Variants in NKX2-8 observed in about 807,000 individuals in gnomAD.
The protein encoded by NKX2-8 is homeobox protein Nkx-2.8.
A neutral mutation model predicts 6.4 loss-of-function variants in NKX2-8; 8 were observed. The ratio of observed to expected loss-of-function variants is 1.24; its 90% confidence interval spans 0.73 to 2.24. The LOEUF (loss-of-function observed/expected upper bound fraction) is 2.24. Ranked by LOEUF, NKX2-8 falls within the 30% of genes most tolerant of loss-of-function variation. The probability of loss-of-function intolerance (pLI) is 0.00; values close to 1 mark genes in which losing one functional copy is unlikely to be tolerated. For synonymous variants in NKX2-8, 216 were observed against 171.5 expected (o/e 1.26, Z -2.03); for missense variants, 406 against 351.1 (o/e 1.16, Z -1.25).
chr14:36,582,403 A>G lies in NKX2-8; in HGVS notation c.-14T>C. ...AGAGGTGGCCATGGCCGAGGAGGGGAAGGAGGCGGGGGCAGGGCAGGCTGG... is the reference window on the plus strand; with the variant it reads ...AGAGGTGGCCATGGCCGAGGAGGGGGAGGAGGCGGGGGCAGGGCAGGCTGG... On this transcript the variant is annotated 5_prime_UTR_variant, in exon 1 of 2. Coordinates refer to ENST00000258829, the MANE Select transcript of NKX2-8 (RefSeq NM_014360.4). 6.8e-7 allele frequency: 1 copy of G among 1,480,500 alleles called. No homozygotes were observed. Among genetic ancestry groups the G allele is most frequent in the Non-Finnish European group, 9.0e-7 (1 of 1,105,820 alleles). 91.7% of individuals were successfully genotyped at this position (1,480,500 alleles called of 1,614,324 possible). A position where few individuals can be genotyped will look rare whatever the true frequency, so the allele number is the denominator to read the frequency against.
In NKX2-8 at chr14:36,581,034, C is replaced by T; in HGVS notation, c.588G>A (p.Glu196=). 7.3e-7 allele frequency: 1 copy of T among 1,366,360 alleles called. No individual in the cohort carries two copies. The highest frequency in any genetic ancestry group is 9.3e-7 in the Non-Finnish European group (1 of 1,071,628). 84.6% of individuals were successfully genotyped at this position (1,366,360 alleles called of 1,614,324 possible). ...CGGCGGCTGGAGGGGCGCCGCACTT[C>T]TCCTGGGCCGCGGCGGTTCCCACCT... The part of the protein sequence containing the change: ...GGEVGTAAAQ[E]KCGAPPAAAC... Residue 196 remains glutamate, a synonymous_variant, in exon 2 of 2, where the codon GAG becomes GAA. Coordinates refer to ENST00000258829, the MANE Select transcript of NKX2-8 (RefSeq NM_014360.4). This position sits in a 1 kb window ranked among gnomAD's most constrained non-coding sequence, Gnocchi z 5.6.
In NKX2-8 at chr14:36,580,823, A is replaced by C; in HGVS notation, c.*79T>G. On this transcript the variant is annotated 3_prime_UTR_variant, in exon 2 of 2. Transcript: ENST00000258829. ...CAGGGAGGCGGACGGAGAGCGTTCC[A>C]GGCGTTCGGCTCCGGCCCTGCTCCA... is the stretch of plus-strand genomic sequence containing the variant. 9.5e-7 allele frequency: 1 copy of C among 1,053,590 alleles called. No individual in the cohort carries two copies. Among genetic ancestry groups the C allele is most frequent in the Non-Finnish European group, 1.2e-6 (1 of 821,834 alleles). 65.3% of individuals were successfully genotyped at this position (1,053,590 alleles called of 1,614,324 possible). A position where few individuals can be genotyped will look rare whatever the true frequency, so the allele number is the denominator to read the frequency against.
chr14:36,580,102 T>C lies in NKX2-8; in HGVS notation c.*800A>G, dbSNP rs1341127219. Among the ~76,000 whole-genome samples, 1 of 152,162 alleles carries C rather than the reference T, an allele frequency of 6.6e-6. No homozygotes were observed. The highest frequency in any genetic ancestry group is 1.5e-5 in the Non-Finnish European group (1 of 68,018). On this transcript the variant is annotated 3_prime_UTR_variant, in exon 2 of 2. Transcript: ENST00000258829. Reference sequence around the variant, plus strand: ...ACTTTTCAAAGGGTCCCCGAGCACTTGGCTCCTGCACTCTGGAAACAGCTT... The same window carrying C: ...ACTTTTCAAAGGGTCCCCGAGCACTCGGCTCCTGCACTCTGGAAACAGCTT...
At position 36,581,106 on chromosome 14, in the gene NKX2-8, C is replaced by T; in HGVS notation, c.516G>A (p.Pro172=). ...APGLLRRVVV[P]VLVRDGQPCG... ...ACGGCTGCCCGTCGCGAACAAGCAC[C>T]GGCACCACCACGCGACGCAGCAGGC... is the stretch of plus-strand genomic sequence containing the variant. The change falls in exon 2 of 2, where the codon CCG becomes CCA. Residue 172 remains proline (P), a synonymous_variant. Coordinates refer to ENST00000258829, the MANE Select transcript of NKX2-8 (RefSeq NM_014360.4). The surrounding 1 kb of genome is among the most constrained non-coding windows in gnomAD (Gnocchi z 5.6). 6.9e-7 allele frequency: 1 copy of T among 1,456,424 alleles called. No individual in the cohort carries two copies. 90.2% of individuals were successfully genotyped at this position (1,456,424 alleles called of 1,614,324 possible).
At position 36,581,429 on chromosome 14, in the gene NKX2-8, C is replaced by T. The variant is rs375461559; in HGVS notation, c.193G>A (p.Asp65Asn). The T allele has an allele frequency of 6.3e-7, 1 of 1,584,280 alleles. No homozygotes were observed. Among genetic ancestry groups the T allele is most frequent in the South Asian group, 1.2e-5 (1 of 84,738 alleles). The change falls in exon 2 of 2, where the codon GAC becomes AAC. Residue 65 changes from aspartate to asparagine, a missense_variant. Coordinates refer to ENST00000258829, the MANE Select transcript of NKX2-8 (RefSeq NM_014360.4). The surrounding 1 kb of genome is among the most constrained non-coding windows in gnomAD (Gnocchi z 5.6). ...CTAGCGGACGGCCGCTGCGACGAGT[C>T]TGGCGGGCTGGTCTCCAGGCTGCTC... ...DESSLETSPPDSSQRPSARPA... is the reference protein window; with the variant it reads ...DESSLETSPPNSSQRPSARPA...
Position 36,581,554 on chromosome 14 carries a change from C to T in NKX2-8, c.158-90G>A. The T allele has an allele frequency of 8.5e-7, 1 of 1,182,788 alleles. No homozygotes were observed. Among genetic ancestry groups the T allele is most frequent in the Non-Finnish European group, 1.2e-6 (1 of 857,816 alleles). 73.3% of individuals were successfully genotyped at this position (1,182,788 alleles called of 1,614,324 possible). ...CTGGCGCGGGCGTGGAGGCACTGGC[C>T]AGAGGGCACGCCCACTAGCCCGAGA... On this transcript the variant is annotated intron_variant, in intron 1 of 1. Transcript: ENST00000258829. This position sits in a 1 kb window ranked among gnomAD's most constrained non-coding sequence, Gnocchi z 5.6.
rs764860047 is a variant in NKX2-8 at position 36,580,942 on chromosome 14, T to C, written c.680A>G (p.Gln227Arg). 3 of 1,342,368 alleles carry C rather than the reference T, an allele frequency of 2.2e-6. No homozygotes were observed. The highest frequency in any genetic ancestry group is 2.8e-5 in the East Asian group (1 of 35,114). The allele number at this position is 1,342,368 out of a possible 1,614,324, so 83.2% of individuals were successfully genotyped here. Residue 227 changes from glutamine (Q) to arginine (R), a missense_variant, in exon 2 of 2, where the codon CAG becomes CGG. Physicochemically the swap from Gln to Arg is conservative, Grantham distance 43. Transcript: ENST00000258829. ...GACCAGGGCGGGGGATGCTAAGTGC[T>C]GGTAGGCGGGGAAGAGGCCAAGCGC... ...GSALGLFPAY[Q>R]HLASPALVSW...
Position 36,581,087 on chromosome 14 carries a change from G to T in NKX2-8, c.535C>A (p.Gln179Lys). The change falls in exon 2 of 2, where the codon CAG becomes AAG. Residue 179 changes from glutamine (Q) to lysine (K), a missense_variant. Physicochemically the swap from Gln to Lys is moderately conservative, Grantham distance 53. Transcript: ENST00000258829. This position sits in a 1 kb window ranked among gnomAD's most constrained non-coding sequence, Gnocchi z 5.6. ...CCACCGCCGCCGCCGCCGCACGGCT[G>T]CCCGTCGCGAACAAGCACCGGCACC... ...VVVPVLVRDG[Q>K]PCGGGGGGEV... The T allele has an allele frequency of 7.1e-7, 1 of 1,412,684 alleles. No homozygotes were observed. The highest frequency in any genetic ancestry group is 9.1e-7 in the Non-Finnish European group (1 of 1,095,452). 87.5% of individuals were successfully genotyped at this position (1,412,684 alleles called of 1,614,324 possible).
rs999078421 is a variant in NKX2-8 at position 36,582,460 on chromosome 14, C to T, written c.-71G>A. ...AGGGGCGGCCGGGACGCCGCTCCTACGGATGGGCGTGGGAGGCGCTCGCCA... is the reference window on the plus strand; with the variant it reads ...AGGGGCGGCCGGGACGCCGCTCCTATGGATGGGCGTGGGAGGCGCTCGCCA... On this transcript the variant is annotated 5_prime_UTR_variant, in exon 1 of 2. Coordinates refer to ENST00000258829, the MANE Select transcript of NKX2-8 (RefSeq NM_014360.4). 7.1e-6 allele frequency: 10 copies of T among 1,399,002 alleles called. No homozygotes were observed. Among genetic ancestry groups the T allele is most frequent in the South Asian group, 3.1e-5 (2 of 65,012 alleles). 86.7% of individuals were successfully genotyped at this position (1,399,002 alleles called of 1,614,324 possible).
At position 36,581,391 on chromosome 14, in the gene NKX2-8, C is replaced by G. The variant is rs746559097; in HGVS notation, c.231G>C (p.Pro77=). 1.4e-4 allele frequency: 228 copies of G among 1,595,624 alleles called. No individual in the cohort carries two copies. In the African/African-American group the frequency reaches 1.9e-3, roughly 13 times the overall value. The change falls in exon 2 of 2, where the codon CCG becomes CCC. Residue 77 remains proline, a synonymous_variant. Coordinates refer to ENST00000258829, the MANE Select transcript of NKX2-8 (RefSeq NM_014360.4). The surrounding 1 kb of genome is among the most constrained non-coding windows in gnomAD (Gnocchi z 5.6). Reference sequence around the variant, plus strand: ...TCTTCCTTTTCTCGGCGTCCGAGCCCGGAGACGCGGGCCTAGCGGACGGCC... The same window carrying G: ...TCTTCCTTTTCTCGGCGTCCGAGCCGGGAGACGCGGGCCTAGCGGACGGCC... ...SQRPSARPAS[P]GSDAEKRKKR...
At position 36,580,089 on chromosome 14, in the gene NKX2-8, G is replaced by A. The variant is rs1294670042; in HGVS notation, c.*813C>T. Among the ~76,000 whole-genome samples, 1 of 152,190 alleles carries A rather than the reference G, an allele frequency of 6.6e-6. No homozygotes were observed. Among genetic ancestry groups the A allele is most frequent in the Non-Finnish European group, 1.5e-5 (1 of 68,040 alleles). ...CAGGTCCCCAGGCACTTTTCAAAGG[G>A]TCCCCGAGCACTTGGCTCCTGCACT... On this transcript the variant is annotated 3_prime_UTR_variant, in exon 2 of 2. Transcript: ENST00000258829.
intron 1 of NKX2-8, 25 bp downstream of exon 1, chr14:36,582,208 G>A: frequency 6.3e-7 from 1 of 1,590,364 alleles, no homozygotes; most frequent in East Asian, 2.3e-5. Flanking sequence ...CTCCCACCCC[G>A]CACCGCAATC....
At position 36,580,957 on chromosome 14, in the gene NKX2-8, A is replaced by G. The variant is rs1010577243; in HGVS notation, c.665T>C (p.Leu222Pro). 6.0e-6 allele frequency: 8 copies of G among 1,344,362 alleles called. No homozygotes were observed. Among genetic ancestry groups the G allele is most frequent in the Non-Finnish European group, 7.6e-6 (8 of 1,056,974 alleles). 83.3% of individuals were successfully genotyped at this position (1,344,362 alleles called of 1,614,324 possible). ...PAFGPGSALG[L>P]FPAYQHLASP... Reference sequence around the variant, plus strand: ...TGCTAAGTGCTGGTAGGCGGGGAAGAGGCCAAGCGCCGAGCCGGGACCGAA... The same window carrying G: ...TGCTAAGTGCTGGTAGGCGGGGAAGGGGCCAAGCGCCGAGCCGGGACCGAA... The change falls in exon 2 of 2, where the codon CTC becomes CCC. Residue 222 changes from leucine (L) to proline (P), a missense_variant. Coordinates refer to ENST00000258829, the MANE Select transcript of NKX2-8 (RefSeq NM_014360.4).
chr14:36,581,894 T>C lies in NKX2-8; in HGVS notation c.157+339A>G, dbSNP rs1879254622. On this transcript the variant is annotated intron_variant, in intron 1 of 1. Transcript: ENST00000258829. This position sits in a 1 kb window ranked among gnomAD's most constrained non-coding sequence, Gnocchi z 5.6. Reference sequence around the variant, plus strand: ...ATCCCAGACGGAGGCCTGGAGATCGTGGCCGTGTTTTCAGGCATGGAGAGG... The same window carrying C: ...ATCCCAGACGGAGGCCTGGAGATCGCGGCCGTGTTTTCAGGCATGGAGAGG... Among the ~76,000 whole-genome samples, 1 of 97,162 alleles carries C rather than the reference T, an allele frequency of 1.0e-5. No individual in the cohort carries two copies. The highest frequency in any genetic ancestry group is 1.9e-5 in the Non-Finnish European group (1 of 53,320). The allele number at this position is 97,162 out of a possible 152,430, so 63.7% of individuals were successfully genotyped here. A position where few individuals can be genotyped will look rare whatever the true frequency, so the allele number is the denominator to read the frequency against.
chr14:36,581,659 C>T lies in NKX2-8; in HGVS notation c.158-195G>A, dbSNP rs1421772215. Among the ~76,000 whole-genome samples the T allele has an allele frequency of 6.6e-6, 1 of 152,224 alleles. No individual in the cohort carries two copies. The highest frequency in any genetic ancestry group is 2.4e-5 in the African/African-American group (1 of 41,454). ...TGCGGTGACCTCATTCATACCACAG[C>T]GGTCATCAGCGGGCCTGAGATCGTG... is the stretch of plus-strand genomic sequence containing the variant. On this transcript the variant is annotated intron_variant, in intron 1 of 1. Transcript: ENST00000258829. This position sits in a 1 kb window ranked among gnomAD's most constrained non-coding sequence, Gnocchi z 5.6.
rs777701696 is a variant in NKX2-8 at position 36,582,324 on chromosome 14, C to A, written c.66G>T (p.Ala22=). 3.1e-6 allele frequency: 5 copies of A among 1,606,614 alleles called. No homozygotes were observed. The South Asian group carries it at 5.5e-5, about 18-fold the overall frequency. The change falls in exon 1 of 2, where the codon GCG becomes GCT. Residue 22 remains alanine, a synonymous_variant. Transcript: ENST00000258829. ...CTGGCTCCCGCCTCGGCAGGTGTTG[C>A]GCGTCCTGCTCGGGTAAATCTAGAA... is the stretch of plus-strand genomic sequence containing the variant. The part of the protein sequence containing the change: ...RSLLDLPEQD[A]QHLPRREPEP...
In NKX2-8 at chr14:36,582,215, A is replaced by C. The variant is rs762167889; in HGVS notation, c.157+18T>G. On this transcript the variant is annotated intron_variant, in intron 1 of 1. Coordinates refer to ENST00000258829, the MANE Select transcript of NKX2-8 (RefSeq NM_014360.4). ...CCTCCTACCTCCCACCCCGCACCGC[A>C]ATCCACCACGCACTTACAAGGGTAG... 1 of 1,598,484 alleles carries C rather than the reference A, an allele frequency of 6.3e-7. No individual in the cohort carries two copies. Among genetic ancestry groups the C allele is most frequent in the Admixed American group, 1.7e-5 (1 of 58,814 alleles).
chr14:36,581,143 T>C lies in NKX2-8; in HGVS notation c.479A>G (p.His160Arg). ...GCGACGCAGCAGGCCGGGCGCGGCG[T>C]GCAGCTCGGCGGATGCTGCCAGGTC... Reference protein sequence around the residue: ...SPDLAASAELHAAPGLLRRVV... With the variant: ...SPDLAASAELRAAPGLLRRVV... Residue 160 changes from histidine to arginine, a missense_variant, in exon 2 of 2, where the codon CAC (histidine) becomes CGC (arginine). By Grantham distance (29) the His-to-Arg change is conservative. Coordinates refer to ENST00000258829, the MANE Select transcript of NKX2-8 (RefSeq NM_014360.4). The surrounding 1 kb of genome is among the most constrained non-coding windows in gnomAD (Gnocchi z 5.6). 6.4e-7 allele frequency: 1 copy of C among 1,554,682 alleles called. No homozygotes were observed. Among genetic ancestry groups the C allele is most frequent in the Non-Finnish European group, 8.6e-7 (1 of 1,158,532 alleles).
At position 36,581,200 on chromosome 14, in the gene NKX2-8, C is replaced by A; in HGVS notation, c.422G>T (p.Arg141Leu). 1 of 1,608,250 alleles carries A rather than the reference C, an allele frequency of 6.2e-7. No homozygotes were observed. Among genetic ancestry groups the A allele is most frequent in the South Asian group, 1.1e-5 (1 of 90,432 alleles). Residue 141 changes from arginine to leucine, a missense_variant, in exon 2 of 2, where the codon CGC becomes CTC. Transcript: ENST00000258829. This position sits in a 1 kb window ranked among gnomAD's most constrained non-coding sequence, Gnocchi z 5.6. The stretch of plus-strand genomic sequence containing the variant: ...CTCCGCCGCCCCTGGAGCGCGAGCG[C>A]GCTTCAGCTTGTAGCGATGATTCTG... Reference protein sequence around the residue: ...WFQNHRYKLKRARAPGAAESP... With the variant: ...WFQNHRYKLKLARAPGAAESP...
Sources: gnomAD v4.1 joint callset for allele counts (sites outside exome capture counted in the v4.1 genomes callset) on GRCh38, gnomAD v4.1.1 for gene constraint, Gnocchi (gnomAD v3.1) non-coding constraint, MANE v1.5 for transcripts, NCBI Gene and HGNC (gene_info 2026-07-23, HGNC 2026-07-21) for gene names.